Variants in ZNF722 observed in about 807,000 individuals in gnomAD.
ZNF722 encodes the protein zinc finger protein 479 pseudogene.
At chr7:64,015,986 C>G in the ZNF722 span, 4 of 1,020,536 alleles carry the variant, frequency 3.9e-6, no homozygotes, top group African/African-American at 6.5e-5. Flanking sequence ...AAAAACACTA[C>G]AAGTGTAGAG....
the ZNF722 span, among the ~76,000 whole-genome samples, chr7:64,011,159 G>A: frequency 6.6e-6 from 1 of 152,014 alleles, no homozygotes; most frequent in Non-Finnish European, 1.5e-5. Context: ...ATGTGAGACA[G>A]GTCTCCTGAA....
the ZNF722 span, chr7:64,015,395 G>T: frequency 6.5e-7 from 1 of 1,536,564 alleles, no homozygotes; most frequent in South Asian, 1.1e-5. Flanking sequence ...ATACTAAGGA[G>T]AAGTCCTACA....
the ZNF722 span, among the ~76,000 whole-genome samples, chr7:64,000,071 C>T: frequency 6.6e-6 from 1 of 151,600 alleles, no homozygotes; most frequent in Non-Finnish European, 1.5e-5. Context: ...GCCTAATTAC[C>T]TACTGTTTAA....
the ZNF722 span, chr7:64,015,731 G>C: frequency 3.5e-4 from 557 of 1,613,700 alleles, 2 homozygotes; most frequent in East Asian, 2.5e-4. Context: ...ATACTGGAGA[G>C]AAACCCTACA....
the ZNF722 span, among the ~76,000 whole-genome samples, chr7:64,013,059 T>A: frequency 1.4e-4 from 22 of 152,266 alleles, no homozygotes; most frequent in African/African-American, 5.3e-4. Flanking sequence ...TCTTTTACAG[T>A]CTACTGAACT....
At chr7:64,005,159 C>T in the ZNF722 span, among the ~76,000 whole-genome samples, 8 of 152,078 alleles carry the variant, frequency 5.3e-5, no homozygotes, top group African/African-American at 1.7e-4. Context: ...ATCAGCCAGG[C>T]ATGGTGGCTC....
chr7:64,015,905 C>G, the ZNF722 span: 4 of 1,532,940 alleles, frequency 2.6e-6, no homozygotes, highest in Non-Finnish European at 3.6e-6. Flanking sequence ...GAGAGAAACC[C>G]TACAAAAGTA....
chr7:64,011,998 C>A, the ZNF722 span, among the ~76,000 whole-genome samples: 1 of 151,858 alleles, frequency 6.6e-6, no homozygotes, highest in Non-Finnish European at 1.5e-5. Flanking sequence ...TTTCACTTCT[C>A]TTCTCACTTC....
chr7:64,015,876 C>T, the ZNF722 span: 1 of 1,573,686 alleles, frequency 6.4e-7, no homozygotes, highest in East Asian at 2.2e-5. Context: ...TCTTGCTAAA[C>T]ATAAGATAAT....
chr7:64,000,706 C>T, the ZNF722 span, among the ~76,000 whole-genome samples: 2 of 151,462 alleles, frequency 1.3e-5, no homozygotes, highest in East Asian at 3.9e-4. Flanking sequence ...CTGCCTCAGC[C>T]TCCCAAAGTG....
chr7:64,001,119 A>C, the ZNF722 span, among the ~76,000 whole-genome samples: 1 of 152,080 alleles, frequency 6.6e-6, no homozygotes, highest in Non-Finnish European at 1.5e-5. Context: ...TCAGGAGTAC[A>C]TGTGCAGGTT....
At chr7:64,011,583 C>T in the ZNF722 span, among the ~76,000 whole-genome samples, 37 of 152,264 alleles carry the variant, frequency 2.4e-4, no homozygotes, top group East Asian at 1.7e-3. Context: ...GGCCCCCACT[C>T]TCTTCTGGCT....
the ZNF722 span, among the ~76,000 whole-genome samples, chr7:64,013,316 T>C: frequency 6.6e-6 from 1 of 152,180 alleles, no homozygotes; most frequent in Non-Finnish European, 1.5e-5. Flanking sequence ...CGTGATGTTA[T>C]ATATGCCTAT....
At chr7:63,999,514 T>C in the ZNF722 span, among the ~76,000 whole-genome samples, 31 of 152,252 alleles carry the variant, frequency 2.0e-4, no homozygotes, top group African/African-American at 7.2e-4. Context: ...TGAAGGAAAT[T>C]CTGTTATAAG....
the ZNF722 span, chr7:64,016,232 A>G: frequency 4.2e-5 from 9 of 212,292 alleles, no homozygotes; most frequent in Non-Finnish European, 6.6e-5. Context: ...TCTGCCTTCC[A>G]GGTTCAAGTG....
chr7:64,010,375 C>A, the ZNF722 span, among the ~76,000 whole-genome samples: 13 of 152,104 alleles, frequency 8.5e-5, no homozygotes, highest in Admixed American at 8.5e-4. Flanking sequence ...CTCTTGTGGG[C>A]ATTTAGTAGT....
the ZNF722 span, chr7:64,015,237 C>T: frequency 8.2e-7 from 1 of 1,219,836 alleles, no homozygotes; most frequent in African/African-American, 1.5e-5. Flanking sequence ...CAAAATATTT[C>T]AGACTCATAA....
At chr7:64,017,952 G>A in the ZNF722 span, among the ~76,000 whole-genome samples, 34 of 152,266 alleles carry the variant, frequency 2.2e-4, no homozygotes, top group Admixed American at 4.6e-4. Flanking sequence ...CCCATTGTTT[G>A]TGAAAGTATT....
the ZNF722 span, chr7:64,014,888 T>C: frequency 2.9e-6 from 2 of 689,956 alleles, no homozygotes; most frequent in Admixed American, 6.3e-5. Flanking sequence ...GGTTTATACA[T>C]CTATGAAGGA....
Sources: gnomAD v4.1 joint callset for allele counts (sites outside exome capture counted in the v4.1 genomes callset) on GRCh38, gnomAD v4.1.1 for gene constraint, MANE v1.5 for transcripts, NCBI Gene and HGNC (gene_info 2026-07-23, HGNC 2026-07-21) for gene names.